Variants in ATG7 observed in about 807,000 individuals in gnomAD.
The protein encoded by ATG7 is autophagy related 7, also known as ubiquitin-like modifier-activating enzyme ATG7.
A neutral mutation model predicts 82.4 loss-of-function variants in ATG7; 70 were observed. That is an observed-to-expected ratio of 0.85 (90% CI 0.70 to 1.04). The LOEUF (loss-of-function observed/expected upper bound fraction) is 1.04. Among genes scored for constraint, ATG7 ranks in the 50% least tolerant of loss-of-function variants. ATG7 has a pLI of 0.00. For missense variants in ATG7, 792 were observed against 864.3 expected (o/e 0.92, Z 1.05); for synonymous variants, 287 against 313.0 (o/e 0.92, Z 0.88).
In ATG7 at chr3:11,333,022, T is replaced by C. The variant is rs576370209; in HGVS notation, c.818T>C (p.Met273Thr). Residue 273 changes from methionine (M) to threonine (T), a missense_variant, in exon 11 of 21, where the codon ATG becomes ACG. Transcript: ENST00000693202. ...VEVVCFRDRT[M>T]QGARDVAHSI... ...GTTGTTTGCTTCCGTGACCGTACCA[T>C]GCAGGGGGCGAGAGACGTTGCCCAC... The C allele has an allele frequency of 8.9e-6, 14 of 1,578,084 alleles. No individual in the cohort carries two copies. Among genetic ancestry groups the C allele is most frequent in the South Asian group, 3.5e-5 (3 of 86,148 alleles).
At chr3:11,523,715 C>CA in intron 20 of ATG7, among the ~76,000 whole-genome samples, 1 of 152,314 alleles carries the variant, frequency 6.6e-6, no homozygotes, top group South Asian at 2.1e-4. Flanking sequence ...GCCCTGGAAA[C>CA]AAAACTGTAC....
intron 20 of ATG7, among the ~76,000 whole-genome samples, chr3:11,464,794 C>T (rs1576603931): frequency 6.6e-6 from 1 of 152,190 alleles, no homozygotes; most frequent in East Asian, 1.9e-4. Context: ...CAAATTATAG[C>T]TCTACTGCTT....
chr3:11,433,621 C>T (rs2083109052), intron 20 of ATG7, among the ~76,000 whole-genome samples: 1 of 152,132 alleles, frequency 6.6e-6, no homozygotes, highest in African/African-American at 2.4e-5. Flanking sequence ...ACCCAATTTC[C>T]CTGAAATACT....
chr3:11,502,559 AT>A lies in ATG7; in HGVS notation c.2080-52246del, dbSNP rs1195581441. Among the ~76,000 whole-genome samples the A allele has an allele frequency of 5.5e-4, 84 of 151,632 alleles. 1 individual carries two copies. Among genetic ancestry groups the A allele is most frequent in the Admixed American group, 1.3e-3 (20 of 15,198 alleles). On this transcript the variant is annotated intron_variant, in intron 20 of 20. Coordinates refer to ENST00000693202, the MANE Select transcript of ATG7 (RefSeq NM_001349232.2). ...TCCCTACAAAGGACGTGAACTCATC[AT>A]TTTTTATGGCTGCATAGTATTCCAT...
At chr3:11,424,724 C>G (rs1313411737) in intron 19 of ATG7, among the ~76,000 whole-genome samples, 1 of 152,000 alleles carries the variant, frequency 6.6e-6, no homozygotes, top group Admixed American at 6.6e-5. Context: ...ACAGAGGCTA[C>G]TATTTGATGT....
intron 20 of ATG7, among the ~76,000 whole-genome samples, chr3:11,518,409 T>C (rs1490764239): frequency 6.6e-6 from 1 of 152,058 alleles, no homozygotes; most frequent in East Asian, 1.9e-4. Flanking sequence ...TAGCTGGGCG[T>C]GGTGGCATGC....
intron 1 of ATG7, chr3:11,272,691 A>T (rs1940726498): frequency 6.6e-6 from 1 of 152,186 alleles, no homozygotes; most frequent in Admixed American, 6.5e-5. Context: ...TTCCTAAGTC[A>T]GCCCCTCCTG....
At chr3:11,438,887 T>C (rs1342152630) in intron 20 of ATG7, among the ~76,000 whole-genome samples, 3 of 152,106 alleles carry the variant, frequency 2.0e-5, no homozygotes, top group Non-Finnish European at 4.4e-5. Flanking sequence ...GGAGGTGTTC[T>C]TGCAGTTTGC....
chr3:11,376,158 G>A (rs2077401695), intron 18 of ATG7, among the ~76,000 whole-genome samples: 1 of 152,204 alleles, frequency 6.6e-6, no homozygotes, highest in African/African-American at 2.4e-5. Flanking sequence ...GAAGCAGAAA[G>A]TAGATTAGTG....
chr3:11,394,320 G>T (rs2079043593), intron 19 of ATG7, among the ~76,000 whole-genome samples: 1 of 152,168 alleles, frequency 6.6e-6, no homozygotes, highest in Non-Finnish European at 1.5e-5. Flanking sequence ...GATAGGACAG[G>T]TGATTTAAAC....
rs766399347 is a variant in ATG7 at position 11,318,609 on chromosome 3, T to G, written c.678+3116T>G. Among the ~76,000 whole-genome samples the G allele has an allele frequency of 9.8e-4, 150 of 152,326 alleles. 1 individual carries two copies. Among genetic ancestry groups the G allele is most frequent in the Non-Finnish European group, 1.8e-3 (121 of 68,032 alleles). ...ACGTGTAAATTTGATCATGTAACTC[T>G]TCTACTTAAAACCCTTCTAAGGTTC... is the stretch of plus-strand genomic sequence containing the variant. On this transcript the variant is annotated intron_variant, in intron 9 of 20. Coordinates refer to ENST00000693202, the MANE Select transcript of ATG7 (RefSeq NM_001349232.2).
At chr3:11,366,690 GT>G (rs2076632969) in intron 18 of ATG7, among the ~76,000 whole-genome samples, 1 of 152,040 alleles carries the variant, frequency 6.6e-6, no homozygotes, top group Non-Finnish European at 1.5e-5. Context: ...AATTACTGCA[GT>G]TGTAGTTTTC....
intron 11 of ATG7, among the ~76,000 whole-genome samples, chr3:11,339,262 C>T (rs1291380429): frequency 1.4e-5 from 2 of 147,708 alleles, no homozygotes; most frequent in Admixed American, 6.9e-5. Context: ...CGCCACTGCA[C>T]TCCAGCCTGG....
At chr3:11,429,090 T>C (rs1479696710) in intron 20 of ATG7, among the ~76,000 whole-genome samples, 1 of 152,202 alleles carries the variant, frequency 6.6e-6, no homozygotes. Flanking sequence ...CACATCAAAT[T>C]TTAGATTAGA....
intron 10 of ATG7, 30 bp from the exon 11 acceptor site, chr3:11,332,942 A>G: frequency 2.1e-6 from 3 of 1,415,618 alleles, no homozygotes; most frequent in Non-Finnish European, 2.8e-6. Context: ...AAAAAATAAT[A>G]AATAAATAAA....
chr3:11,482,793 C>CTT (rs373896065), intron 20 of ATG7, among the ~76,000 whole-genome samples: 40 of 144,764 alleles, frequency 2.8e-4, no homozygotes, highest in African/African-American at 7.3e-4. Context: ...ATTTTTGTAC[C>CTT]TTTTTTTTTT....
intron 20 of ATG7, among the ~76,000 whole-genome samples, chr3:11,479,790 C>A (rs921211832): frequency 3.3e-5 from 5 of 152,206 alleles, no homozygotes; most frequent in African/African-American, 1.2e-4. Flanking sequence ...ATAAACCCAG[C>A]TAACCTCCCT....
At position 11,556,082 on chromosome 3, in the gene ATG7, C is replaced by CTTT. The variant is rs756026461; in HGVS notation, c.*1240_*1242dup. ...ACGTACACTATGTGGTTTAAGAGCA[C>CTTT]TTTATTATTGTTCTTAAGGCTACTT... On this transcript the variant is annotated 3_prime_UTR_variant, in exon 21 of 21. Coordinates refer to ENST00000693202, the MANE Select transcript of ATG7 (RefSeq NM_001349232.2). 6.6e-6 allele frequency: 1 copy of CTTT among 152,642 alleles called. No homozygotes were observed. Among genetic ancestry groups the CTTT allele is most frequent in the Non-Finnish European group, 1.5e-5 (1 of 68,036 alleles). The allele number at this position is 152,642 out of a possible 1,614,324, so 9.5% of individuals were successfully genotyped here. A position where few individuals can be genotyped will look rare whatever the true frequency, so the allele number is the denominator to read the frequency against.
chr3:11,568,845 G>A, the ATG7 span: 14 of 1,392,612 alleles, frequency 1.0e-5, no homozygotes, highest in Admixed American at 3.1e-5. The surrounding 1 kb of genome is among the most constrained non-coding windows in gnomAD (Gnocchi z 5.9). Flanking sequence ...GAGTGGCTCC[G>A]TGCCAGGCCT....
Sources: gnomAD v4.1 joint callset for allele counts (sites outside exome capture counted in the v4.1 genomes callset) on GRCh38, gnomAD v4.1.1 for gene constraint, Gnocchi (gnomAD v3.1) non-coding constraint, MANE v1.5 for transcripts, NCBI Gene and HGNC (gene_info 2026-07-23, HGNC 2026-07-21) for gene names.